CSHL1: variants seen among roughly 807,000 people sequenced by gnomAD.
CSHL1 encodes chorionic somatomammotropin hormone-like 1.
In CSHL1, 25 loss-of-function variants were observed where a neutral mutation model predicts 24.3. The observed-to-expected ratio is 1.03, with a 90% CI of 0.75 to 1.44. The LOEUF (loss-of-function observed/expected upper bound fraction) is 1.44. Among genes scored for constraint, CSHL1 ranks in the 40% most tolerant of loss-of-function variants. The pLI is 0.00. For missense variants in CSHL1, 342 were observed against 279.3 expected, an observed-to-expected ratio of 1.22 and a Z score of -1.60; for synonymous variants, 157 against 115.6, an observed-to-expected ratio of 1.36 and a Z score of -2.30.
At position 63,911,255 on chromosome 17, in the gene CSHL1, T is replaced by A; in HGVS notation, c.-59A>T. The A allele has an allele frequency of 3.7e-6, 6 of 1,613,954 alleles. No individual in the cohort carries two copies. Among genetic ancestry groups the A allele is most frequent in the Non-Finnish European group, 5.1e-6 (6 of 1,179,860 alleles). ...TGGTGCGGGGAGTCGGGCCTTGGGA[T>A]GCTGGAGCTGGTCTCTTGTGGGCCC... On this transcript the variant is annotated 5_prime_UTR_variant, in exon 1 of 5. Coordinates refer to ENST00000309894, the MANE Select transcript of CSHL1 (RefSeq NM_022579.3).
chr17:63,910,773 G>T lies in CSHL1; in HGVS notation c.162C>A (p.Tyr54Ter). The T allele has an allele frequency of 6.2e-7, 1 of 1,614,218 alleles. No individual in the cohort carries two copies. The highest frequency in any genetic ancestry group is 8.5e-7 in the Non-Finnish European group (1 of 1,180,044). The change falls in exon 2 of 5, where the codon TAC becomes TAA. Residue 54 changes from tyrosine (Y) to a stop codon, truncating the protein, a stop_gained. Transcript: ENST00000309894. LOFTEE classifies it high-confidence loss of function. ...TTCCCCAAGAGCTTATAAACTCCTG[G>T]TAGGTGTCAATGGCCAGCTGGTGTG... ...HRAHQLAIDT[Y>*]QEFISSWGME...
Position 63,909,699 on chromosome 17 carries a change from C to T in CSHL1, c.*12G>A, listed in dbSNP as rs1304270878. ...GGCACTGGGGAGGGGTCACAGGATGCCACGCGGGCCCCTAGAAGCCACAGC... is the reference window on the plus strand; with the variant it reads ...GGCACTGGGGAGGGGTCACAGGATGTCACGCGGGCCCCTAGAAGCCACAGC... On this transcript the variant is annotated 3_prime_UTR_variant, in exon 5 of 5. Transcript: ENST00000309894. 3 of 1,614,076 alleles carry T rather than the reference C, an allele frequency of 1.9e-6. No homozygotes were observed. Among genetic ancestry groups the T allele is most frequent in the Non-Finnish European group, 2.5e-6 (3 of 1,180,026 alleles).
chr17:63,910,739 C>A lies in CSHL1; in HGVS notation c.190+6G>T, dbSNP rs1433203250. The stretch of plus-strand genomic sequence containing the variant: ...GTCACCCCTTCTTGCCACCCCTGAC[C>A]CGCACCCATTCCCCAAGAGCTTATA... On this transcript the variant is annotated splice_donor_region_variant and intron_variant, in intron 2 of 4. Transcript: ENST00000309894. 6 of 1,614,084 alleles carry A rather than the reference C, an allele frequency of 3.7e-6. No homozygotes were observed. Among genetic ancestry groups the A allele is most frequent in the Admixed American group, 1.7e-5 (1 of 60,004 alleles).
rs1386397879 is a variant in CSHL1 at position 63,909,821 on chromosome 17, G to A, written c.559C>T (p.Leu187=). ...TGGAGCAGCCCGTAGTTCTTGAGCA[G>A]TGCGTCATGGTTGTGCGAGTTTGTG... ...FDTNSHNHDA[L]LKNYGLLHCF... Residue 187 remains leucine, a synonymous_variant, in exon 5 of 5, where the codon CTG becomes TTG. Transcript: ENST00000309894. The A allele has an allele frequency of 4.3e-6, 7 of 1,614,014 alleles. 1 individual carries two copies. In the Middle Eastern group the frequency reaches 5.0e-4, roughly 114 times the overall value.
intron 4 of CSHL1, 114 bp from the exon 5 acceptor site, chr17:63,910,022 T>C: frequency 6.2e-7 from 1 of 1,614,020 alleles, no homozygotes; most frequent in East Asian, 2.2e-5. Context: ...GCCTGGAGGA[T>C]TCACGAGGGG....
intron 4 of CSHL1, 122 bp downstream of exon 4, chr17:63,910,040 G>C: frequency 6.2e-7 from 1 of 1,614,134 alleles, no homozygotes. Flanking sequence ...GGGAAATGAA[G>C]AATAAGGTGA....
chr17:63,910,952 G>A (rs776715957), intron 1 of CSHL1, 28 bp from the exon 2 acceptor site: 2 of 1,613,394 alleles, frequency 1.2e-6, no homozygotes, highest in Non-Finnish European at 1.7e-6. Flanking sequence ...GGCAAGAAGG[G>A]AGCCGCAGAG....
rs1453553393 is a variant in CSHL1, at chr17:63,909,690, C to T, written c.*21G>A. On this transcript the variant is annotated 3_prime_UTR_variant, in exon 5 of 5. Transcript: ENST00000309894. The stretch of plus-strand genomic sequence containing the variant: ...GCCAGGAGAGGCACTGGGGAGGGGT[C>T]ACAGGATGCCACGCGGGCCCCTAGA... 2.5e-6 allele frequency: 4 copies of T among 1,613,984 alleles called. No homozygotes were observed. Among genetic ancestry groups the T allele is most frequent in the Non-Finnish European group, 3.4e-6 (4 of 1,180,038 alleles).
At position 63,910,114 on chromosome 17, in the gene CSHL1, C is replaced by T. The variant is rs372225664; in HGVS notation, c.471+48G>A. 81 of 1,614,178 alleles carry T rather than the reference C, an allele frequency of 5.0e-5. No individual in the cohort carries two copies. In the African/African-American group the frequency reaches 8.7e-4, roughly 17 times the overall value. On this transcript the variant is annotated intron_variant, in intron 4 of 4. Transcript: ENST00000309894. Reference sequence around the variant, plus strand: ...AGCAGTGTTTCTCTCCCCCAGCCCTCGAAGCCAGTGGGCTTCCAGGATTGG... The same window carrying T: ...AGCAGTGTTTCTCTCCCCCAGCCCTTGAAGCCAGTGGGCTTCCAGGATTGG...
rs543589508 is a variant in CSHL1 at position 63,910,986 on chromosome 17, T to C, written c.11-62A>G. 5 of 1,611,928 alleles carry C rather than the reference T, an allele frequency of 3.1e-6. No homozygotes were observed. The South Asian group carries it at 3.3e-5, about 11-fold the overall frequency. On this transcript the variant is annotated intron_variant, in intron 1 of 4. Coordinates refer to ENST00000309894, the MANE Select transcript of CSHL1 (RefSeq NM_022579.3). ...AGCAAGAGGCCAGCACTCTCCCTGT[T>C]CCAGGAGCTGTTTTCTTTTTCTCTC...
At position 63,909,689 on chromosome 17, in the gene CSHL1, T is replaced by C. The variant is rs1199608345; in HGVS notation, c.*22A>G. The C allele has an allele frequency of 6.8e-6, 11 of 1,613,626 alleles. No individual in the cohort carries two copies. In the South Asian group the frequency reaches 7.7e-5, roughly 11 times the overall value. On this transcript the variant is annotated 3_prime_UTR_variant, in exon 5 of 5. Transcript: ENST00000309894. ...GGCCAGGAGAGGCACTGGGGAGGGG[T>C]CACAGGATGCCACGCGGGCCCCTAG...
At chr17:63,910,700 C>T in intron 2 of CSHL1, 45 bp downstream of exon 2, 4 of 1,614,226 alleles carry the variant, frequency 2.5e-6, no homozygotes, top group Non-Finnish European at 3.4e-6. Context: ...CCATTACTTC[C>T]CCAGTGGGGG....
At position 63,909,917 on chromosome 17, in the gene CSHL1, T is replaced by A. The variant is rs770952786; in HGVS notation, c.472-9A>T. On this transcript the variant is annotated splice_polypyrimidine_tract_variant and intron_variant, in intron 4 of 4. Coordinates refer to ENST00000309894, the MANE Select transcript of CSHL1 (RefSeq NM_022579.3). The stretch of plus-strand genomic sequence containing the variant: ...CTGCCGTCTTCCAGCCTCTGCAAAG[T>A]GAAGCAAGAGAAGGAGAGACCAAGC... The A allele has an allele frequency of 1.8e-5, 29 of 1,613,820 alleles. No individual in the cohort carries two copies. In the East Asian group the frequency reaches 5.6e-4, roughly 31 times the overall value.
At chr17:63,910,618 A>G in intron 2 of CSHL1, 83 bp from the exon 3 acceptor site, 1 of 1,614,082 alleles carries the variant, frequency 6.2e-7, no homozygotes, top group East Asian at 2.2e-5. Context: ...TCTTCTGGGA[A>G]CCTGGCTCAG....
chr17:63,910,118 G>T lies in CSHL1; in HGVS notation c.471+44C>A, dbSNP rs768144737. Reference sequence around the variant, plus strand: ...GTGTTTCTCTCCCCCAGCCCTCGAAGCCAGTGGGCTTCCAGGATTGGGGAC... The same window carrying T: ...GTGTTTCTCTCCCCCAGCCCTCGAATCCAGTGGGCTTCCAGGATTGGGGAC... On this transcript the variant is annotated intron_variant, in intron 4 of 4. Transcript: ENST00000309894. 3.7e-6 allele frequency: 6 copies of T among 1,614,054 alleles called. No individual in the cohort carries two copies. The East Asian group carries it at 6.7e-5, about 18-fold the overall frequency.
At position 63,911,243 on chromosome 17, in the gene CSHL1, C is replaced by T. The variant is rs561041186; in HGVS notation, c.-47G>A. The T allele has an allele frequency of 5.0e-5, 80 of 1,613,792 alleles. 1 individual carries two copies. Among genetic ancestry groups the T allele is most frequent in the South Asian group, 4.5e-4 (41 of 91,062 alleles). Reference sequence around the variant, plus strand: ...CAGGACCCTGAGTGGTGCGGGGAGTCGGGCCTTGGGATGCTGGAGCTGGTC... The same window carrying T: ...CAGGACCCTGAGTGGTGCGGGGAGTTGGGCCTTGGGATGCTGGAGCTGGTC... On this transcript the variant is annotated 5_prime_UTR_variant, in exon 1 of 5. Transcript: ENST00000309894.
chr17:63,910,417 C>A lies in CSHL1; in HGVS notation c.306+3G>T, dbSNP rs562176019. The A allele has an allele frequency of 6.8e-6, 11 of 1,614,208 alleles. No individual in the cohort carries two copies. In the South Asian group the frequency reaches 1.2e-4, roughly 18 times the overall value. On this transcript the variant is annotated splice_donor_region_variant and intron_variant, in intron 3 of 4. Transcript: ENST00000309894. ...CCGCCTAGGGGAGACAGCATCCACT[C>A]ACGGATTTCTGCTGCGTTTCCTCCA...
chr17:63,911,022 T>C, intron 1 of CSHL1, 98 bp from the exon 2 acceptor site: 2 of 1,610,350 alleles, frequency 1.2e-6, no homozygotes, highest in Non-Finnish European at 1.7e-6. Flanking sequence ...TCTCCATCCC[T>C]CCAGGGACCA....
chr17:63,910,221 C>T lies in CSHL1; in HGVS notation c.412G>A (p.Asp138Asn). The T allele has an allele frequency of 6.2e-7, 1 of 1,614,052 alleles. No homozygotes were observed. Among genetic ancestry groups the T allele is most frequent in the Non-Finnish European group, 8.5e-7 (1 of 1,180,008 alleles). Residue 138 changes from aspartate (D) to asparagine (N), a missense_variant, in exon 4 of 5, where the codon GAC becomes AAC. Coordinates refer to ENST00000309894, the MANE Select transcript of CSHL1 (RefSeq NM_022579.3). ...TTTAGGAGGTGATAGTCATCGCTGT[C>T]CGAGGTGTCATACACCAGGTTGTTG... ...FTNNLVYDTS[D>N]SDDYHLLKDL...
Sources: allele counts gnomAD v4.1 joint callset, GRCh38; gene constraint gnomAD v4.1.1; transcripts MANE v1.5; gene names NCBI Gene and HGNC (gene_info 2026-07-23, HGNC 2026-07-21).